The following PRDM16 variants were observed in gnomAD, a reference collection of about 807,000 sequenced individuals.
The protein encoded by PRDM16 is PR/SET domain 16, also known as histone-lysine N-methyltransferase PRDM16.
PRDM16 carries 23 observed loss-of-function variants against 110.6 expected under a neutral mutation model. The observed-to-expected ratio is 0.21, with a 90% CI of 0.15 to 0.29. PRDM16 has a LOEUF of 0.29. PRDM16 is among the 10% of genes least tolerant of loss of function. The pLI, the probability that PRDM16 is intolerant of heterozygous loss-of-function variation, is 1.00. For missense variants in PRDM16, 1,615 were observed against 1,794.3 expected (o/e 0.90, Z 1.81); for synonymous variants, 799 against 781.8 (o/e 1.02, Z -0.37).
chr1:3,115,786 C>T (rs893215362), intron 1 of PRDM16, among the ~76,000 whole-genome samples: 53 of 152,222 alleles, frequency 3.5e-4, no homozygotes, highest in Non-Finnish European at 6.8e-4. Context: ...GCCCTCGGGC[C>T]GCTGGTGCCC....
At position 3,433,860 on chromosome 1, in the gene PRDM16, G is replaced by A. The variant is rs961802813; in HGVS notation, c.*49G>A. The A allele has an allele frequency of 8.7e-6, 14 of 1,603,924 alleles. No individual in the cohort carries two copies. The highest frequency in any genetic ancestry group is 5.3e-5 in the African/African-American group (4 of 74,982). On this transcript the variant is annotated 3_prime_UTR_variant, in exon 17 of 17. Transcript: ENST00000270722. ...TGGCCAGAGCGAGGGCACCAGCCAC[G>A]AAGGACGGAGGCGGGCGGGGCCCCG...
chr1:3,395,499 TG>T (rs1466915056), intron 4 of PRDM16, among the ~76,000 whole-genome samples: 3 of 152,118 alleles, frequency 2.0e-5, no homozygotes, highest in Non-Finnish European at 4.4e-5. Context: ...TGCAGTTCCC[TG>T]GAAGCTCCCC....
intron 1 of PRDM16, among the ~76,000 whole-genome samples, chr1:3,174,121 TA>T (rs572791301): frequency 5.9e-4 from 90 of 152,292 alleles, no homozygotes; most frequent in African/African-American, 2.0e-3. Context: ...CTGGAGGTCC[TA>T]GGGGAAGAGT....
chr1:3,377,653 C>T (rs558726343), intron 3 of PRDM16, among the ~76,000 whole-genome samples: 32 of 152,224 alleles, frequency 2.1e-4, no homozygotes, highest in African/African-American at 7.0e-4. Context: ...AACTCAAAGC[C>T]AGGCGTTTAA....
At chr1:3,211,900 G>A (rs1638894344) in intron 2 of PRDM16, among the ~76,000 whole-genome samples, 3 of 152,218 alleles carry the variant, frequency 2.0e-5, no homozygotes, top group Admixed American at 1.3e-4. Context: ...GTGTATCCGC[G>A]GCTGCTCCAT....
intron 3 of PRDM16, among the ~76,000 whole-genome samples, chr1:3,369,439 A>G (rs952416570): frequency 3.9e-5 from 6 of 152,222 alleles, no homozygotes; most frequent in African/African-American, 1.4e-4. Context: ...CCTGAGAAGC[A>G]GATCATCCAG....
At chr1:3,225,925 C>T (rs1368597551) in intron 2 of PRDM16, among the ~76,000 whole-genome samples, 2 of 152,254 alleles carry the variant, frequency 1.3e-5, no homozygotes, top group East Asian at 1.9e-4. Flanking sequence ...TTTACCTCTG[C>T]AGGAACAAAT....
intron 3 of PRDM16, among the ~76,000 whole-genome samples, chr1:3,270,625 G>A (rs75007320): frequency 1.5e-5 from 2 of 132,234 alleles, no homozygotes; most frequent in Non-Finnish European, 3.1e-5. Context: ...CCTGGATGAG[G>A]ACAGTTGGGT....
intron 1 of PRDM16, among the ~76,000 whole-genome samples, chr1:3,106,856 A>G (rs1442669138): frequency 6.6e-6 from 1 of 152,148 alleles, no homozygotes; most frequent in Non-Finnish European, 1.5e-5. Flanking sequence ...TGGCCCTGTC[A>G]CTGAATAGTG....
chr1:3,179,718 C>T (rs1644128834), intron 1 of PRDM16, among the ~76,000 whole-genome samples: 2 of 152,228 alleles, frequency 1.3e-5, no homozygotes, highest in South Asian at 2.1e-4. Flanking sequence ...CCTGGCACCT[C>T]GCTGGCCTCC....
At chr1:3,217,343 C>T (rs973310474) in intron 2 of PRDM16, among the ~76,000 whole-genome samples, 3 of 152,252 alleles carry the variant, frequency 2.0e-5, no homozygotes, top group Admixed American at 6.5e-5. Context: ...GTTCAGAAGA[C>T]GCTGCAGCAG....
At chr1:3,395,479 C>T (rs1266296123) in intron 4 of PRDM16, among the ~76,000 whole-genome samples, 2 of 152,168 alleles carry the variant, frequency 1.3e-5, no homozygotes, top group African/African-American at 2.4e-5. Context: ...GCCAGTCCTC[C>T]GGCCAGGCCT....
chr1:3,327,432 C>A (rs1051719549), intron 3 of PRDM16, among the ~76,000 whole-genome samples: 6 of 152,222 alleles, frequency 3.9e-5, no homozygotes, highest in Non-Finnish European at 7.3e-5. Flanking sequence ...CCCGCCCTGC[C>A]CTCCCAGGCC....
chr1:3,169,390 G>A (rs1643998676), intron 1 of PRDM16, among the ~76,000 whole-genome samples: 2 of 152,108 alleles, frequency 1.3e-5, no homozygotes, highest in South Asian at 2.1e-4. Context: ...CGTCCCTAGC[G>A]ACTCTCCTCA....
chr1:3,413,752 G>T (rs953030581), intron 9 of PRDM16, among the ~76,000 whole-genome samples: 3 of 152,192 alleles, frequency 2.0e-5, no homozygotes, highest in Non-Finnish European at 4.4e-5. Context: ...GGGAACCCAG[G>T]CAGACAGAGA....
At chr1:3,094,272 G>A (rs1387671821) in intron 1 of PRDM16, among the ~76,000 whole-genome samples, 1 of 152,182 alleles carries the variant, frequency 6.6e-6, no homozygotes, top group Non-Finnish European at 1.5e-5. Flanking sequence ...TCCCCACCCT[G>A]CCTCCACAGC....
At position 3,116,674 on chromosome 1, in the gene PRDM16, G is replaced by C. The variant is rs937927573; in HGVS notation, c.37+47378G>C. ...GGCCTGTCACTGCGGGTCTATGCCC[G>C]AGCTCTGGCCAGACGATGGTCAGGC... On this transcript the variant is annotated intron_variant, in intron 1 of 16. Coordinates refer to ENST00000270722, the MANE Select transcript of PRDM16 (RefSeq NM_022114.4). Among the ~76,000 whole-genome samples, 11 of 152,268 alleles carry C rather than the reference G, an allele frequency of 7.2e-5. No individual in the cohort carries two copies. The South Asian group carries it at 8.4e-4, about 12-fold the overall frequency.
At chr1:3,082,994 C>G (rs535962269) in intron 1 of PRDM16, among the ~76,000 whole-genome samples, 1 of 152,272 alleles carries the variant, frequency 6.6e-6, no homozygotes, top group Non-Finnish European at 1.5e-5. Flanking sequence ...GGAGATCGAG[C>G]CCCCCTGCTG....
At chr1:3,383,330 T>A (rs1446909188) in intron 3 of PRDM16, among the ~76,000 whole-genome samples, 1 of 152,166 alleles carries the variant, frequency 6.6e-6, no homozygotes, top group Non-Finnish European at 1.5e-5. Context: ...CCTCCCGCCC[T>A]GCACCCCAAT....
Sources: allele counts gnomAD v4.1 joint callset (sites outside exome capture counted in the v4.1 genomes callset), GRCh38; gene constraint gnomAD v4.1.1; transcripts MANE v1.5; gene names NCBI Gene and HGNC (gene_info 2026-07-23, HGNC 2026-07-21).